DSCAML1: variants seen among roughly 807,000 people sequenced by gnomAD.
DSCAML1 encodes the protein cell adhesion molecule DSCAML1.
A neutral mutation model predicts 200.5 loss-of-function variants in DSCAML1; 38 were observed. That is an observed-to-expected ratio of 0.19 (90% confidence interval 0.15 to 0.25). DSCAML1 has a LOEUF of 0.25. Ranked by LOEUF, DSCAML1 falls within the 10% of genes least tolerant of loss-of-function variation. DSCAML1 has a pLI of 1.00. For missense variants in DSCAML1, 2,223 were observed against 2,858.8 expected (o/e 0.78, Z 5.07); for synonymous variants, 1,215 against 1,165.0 (o/e 1.04, Z -0.87).
intron 3 of DSCAML1, among the ~76,000 whole-genome samples, chr11:117,652,792 C>T (rs910232304): frequency 6.6e-6 from 1 of 152,180 alleles, no homozygotes; most frequent in African/African-American, 2.4e-5. Flanking sequence ...CCCATTGCCA[C>T]CCCCTCAGCC....
chr11:117,448,357 T>C (rs1432982529), intron 20 of DSCAML1, among the ~76,000 whole-genome samples: 1 of 152,182 alleles, frequency 6.6e-6, no homozygotes, highest in African/African-American at 2.4e-5. Flanking sequence ...TCTTCGAATG[T>C]GTATTCCATG....
At chr11:117,808,367 T>A (rs2055726591) in intron 1 of DSCAML1, among the ~76,000 whole-genome samples, 1 of 152,184 alleles carries the variant, frequency 6.6e-6, no homozygotes, top group Non-Finnish European at 1.5e-5. Context: ...AGACCATGGC[T>A]GGGCTGTCCC....
chr11:117,731,414 A>T (rs1297037438), intron 3 of DSCAML1, among the ~76,000 whole-genome samples: 1 of 152,158 alleles, frequency 6.6e-6, no homozygotes, highest in Admixed American at 6.5e-5. Context: ...CTTGTATGTC[A>T]CTGTTCCAGC....
rs553129245 is a variant in DSCAML1 at position 117,523,309 on chromosome 11, A to G, written c.937+1496T>C. Among the ~76,000 whole-genome samples the G allele has an allele frequency of 8.6e-5, 13 of 150,650 alleles. 1 individual carries two copies. In the South Asian group the frequency reaches 2.3e-3, roughly 27 times the overall value. On this transcript the variant is annotated intron_variant, in intron 5 of 32. Transcript: ENST00000651296. ...GAGAGAAAGAGAGAGAGTGTAGAGCAGGAGGGTGGGAAGGAGGTGAAGGTA... is the reference window on the plus strand; with the variant it reads ...GAGAGAAAGAGAGAGAGTGTAGAGCGGGAGGGTGGGAAGGAGGTGAAGGTA...
chr11:117,746,050 TAA>T (rs879883699), intron 3 of DSCAML1, among the ~76,000 whole-genome samples: 8 of 139,734 alleles, frequency 5.7e-5, no homozygotes, highest in Non-Finnish European at 6.3e-5. Flanking sequence ...CTGTCTCTAC[TAA>T]AAAAAAAAAA....
At chr11:117,483,264 C>T (rs1267573127) in intron 11 of DSCAML1, among the ~76,000 whole-genome samples, 1 of 152,166 alleles carries the variant, frequency 6.6e-6, no homozygotes, top group African/African-American at 2.4e-5. Flanking sequence ...GGGGGGTACG[C>T]ATGACAATGA....
chr11:117,733,376 G>A (rs2054259260), intron 3 of DSCAML1, among the ~76,000 whole-genome samples: 1 of 152,194 alleles, frequency 6.6e-6, no homozygotes, highest in African/African-American at 2.4e-5. Flanking sequence ...TCAGTGAGTG[G>A]GGGTGAATGA....
intron 3 of DSCAML1, among the ~76,000 whole-genome samples, chr11:117,660,985 G>A (rs990032191): frequency 3.3e-5 from 5 of 152,200 alleles, no homozygotes; most frequent in East Asian, 3.9e-4. Context: ...GACAAATAGT[G>A]CAGAAGAGGT....
intron 3 of DSCAML1, among the ~76,000 whole-genome samples, chr11:117,563,087 G>T (rs2050694851): frequency 1.3e-5 from 2 of 152,316 alleles, no homozygotes; most frequent in African/African-American, 4.8e-5. Context: ...AACGCCAAGA[G>T]CAGTCACTGC....
intron 1 of DSCAML1, among the ~76,000 whole-genome samples, chr11:117,784,571 CAG>C (rs1473884753): frequency 6.6e-6 from 1 of 152,196 alleles, no homozygotes; most frequent in African/African-American, 2.4e-5. Flanking sequence ...TCTGGCCTCA[CAG>C]AGTCTGGTGC....
intron 3 of DSCAML1, among the ~76,000 whole-genome samples, chr11:117,733,589 C>T (rs530681227): frequency 9.8e-5 from 15 of 152,286 alleles, no homozygotes; most frequent in South Asian, 4.1e-4. Flanking sequence ...TCCCTCGACA[C>T]GGCAAGGAAG....
chr11:117,662,730 A>C (rs1216223565), intron 3 of DSCAML1, among the ~76,000 whole-genome samples: 11 of 152,200 alleles, frequency 7.2e-5, no homozygotes, highest in African/African-American at 2.7e-4. Flanking sequence ...TTTCAAACCG[A>C]AGATGTGGAA....
chr11:117,663,970 C>A (rs574668241), intron 3 of DSCAML1, among the ~76,000 whole-genome samples: 39 of 152,304 alleles, frequency 2.6e-4, no homozygotes, highest in Middle Eastern at 3.4e-3. Flanking sequence ...ACAGCAAGGC[C>A]GGCTGCAAGG....
intron 3 of DSCAML1, among the ~76,000 whole-genome samples, chr11:117,758,191 G>T (rs12295970): frequency 0.053 from 8,039 of 151,234 alleles, 264 homozygotes; most frequent in Non-Finnish European, 0.069. Flanking sequence ...ATCCCAGCTA[G>T]TCGGGAGGCT....
chr11:117,769,747 G>A (rs1425656909), intron 3 of DSCAML1, among the ~76,000 whole-genome samples: 1 of 150,726 alleles, frequency 6.6e-6, no homozygotes, highest in Admixed American at 6.7e-5. Flanking sequence ...TCTGTAAAAT[G>A]GGGGAATAAA....
chr11:117,521,406 C>G lies in DSCAML1; in HGVS notation c.938-1G>C. ...GGTGTCAGGGTCACATGAAGGGGATCTGGGCCGGGCCAGGGAGACGTGAGG... is the reference window on the plus strand; with the variant it reads ...GGTGTCAGGGTCACATGAAGGGGATGTGGGCCGGGCCAGGGAGACGTGAGG... On this transcript the variant is annotated splice_acceptor_variant, in intron 5 of 32. Transcript: ENST00000651296. LOFTEE classifies it high-confidence loss of function. The G allele has an allele frequency of 6.2e-7, 1 of 1,611,198 alleles. No homozygotes were observed. The highest frequency in any genetic ancestry group is 8.5e-7 in the Non-Finnish European group (1 of 1,177,722).
intron 2 of DSCAML1, among the ~76,000 whole-genome samples, chr11:117,778,441 C>T (rs1310369567): frequency 6.6e-6 from 1 of 152,224 alleles, no homozygotes; most frequent in African/African-American, 2.4e-5. Context: ...CAAGCGGGCC[C>T]TGCCTCCTCC....
intron 3 of DSCAML1, among the ~76,000 whole-genome samples, chr11:117,702,912 C>T (rs1463194888): frequency 6.6e-6 from 1 of 152,136 alleles, no homozygotes; most frequent in Non-Finnish European, 1.5e-5. Flanking sequence ...TGGCTGAATC[C>T]TATTGTAAAA....
intron 1 of DSCAML1, among the ~76,000 whole-genome samples, chr11:117,813,064 G>A (rs2055774377): frequency 6.6e-6 from 1 of 152,060 alleles, no homozygotes; most frequent in Admixed American, 6.5e-5. Context: ...GCCTTTATTA[G>A]TCAAATCAGC....
Sources: gnomAD v4.1 joint callset for allele counts (sites outside exome capture counted in the v4.1 genomes callset) on GRCh38, gnomAD v4.1.1 for gene constraint, MANE v1.5 for transcripts, NCBI Gene and HGNC (gene_info 2026-07-23, HGNC 2026-07-21) for gene names.